The following PTCHD4 variants were observed in gnomAD, a reference collection of about 807,000 sequenced individuals.
The protein encoded by PTCHD4 is patched domain containing 4.
A neutral mutation model predicts 58.1 loss-of-function variants in PTCHD4; 33 were observed. The ratio of observed to expected loss-of-function variants is 0.57; its 90% CI spans 0.43 to 0.76. The LOEUF is 0.76. PTCHD4 is among the 30% of genes least tolerant of loss of function. The pLI is 0.00. For missense variants in PTCHD4, 1,058 were observed against 1,027.1 expected (o/e 1.03, Z -0.41); for synonymous variants, 478 against 409.6 (o/e 1.17, Z -2.02).
At chr6:48,109,907 A>T (rs1765828387) in intron 1 of PTCHD4, among the ~76,000 whole-genome samples, 2 of 152,134 alleles carry the variant, frequency 1.3e-5, no homozygotes, top group African/African-American at 4.8e-5. Flanking sequence ...TGGGATGGCT[A>T]TTATTTTAAA....
At chr6:48,032,570 T>C (rs1470675547) in intron 3 of PTCHD4, among the ~76,000 whole-genome samples, 1 of 152,144 alleles carries the variant, frequency 6.6e-6, no homozygotes, top group Non-Finnish European at 1.5e-5. Context: ...AAATGAGCTC[T>C]TATTTACAAA....
At chr6:47,956,426 T>G (rs994057954) in intron 4 of PTCHD4, among the ~76,000 whole-genome samples, 3 of 145,752 alleles carry the variant, frequency 2.1e-5, no homozygotes, top group African/African-American at 7.9e-5. Flanking sequence ...GAGAGTATGG[T>G]TTTTTTTTTA....
chr6:48,077,011 G>A (rs1381492584), intron 1 of PTCHD4, among the ~76,000 whole-genome samples: 1 of 152,154 alleles, frequency 6.6e-6, no homozygotes, highest in Non-Finnish European at 1.5e-5. Flanking sequence ...CATCCACAAG[G>A]ACTCAAATAT....
chr6:47,876,455 T>C lies in PTCHD4; in HGVS notation c.*1848A>G, dbSNP rs1415150902. Among the ~76,000 whole-genome samples the C allele has an allele frequency of 6.6e-6, 1 of 151,984 alleles. No individual in the cohort carries two copies. The highest frequency in any genetic ancestry group is 1.9e-4 in the East Asian group (1 of 5,164). On this transcript the variant is annotated 3_prime_UTR_variant, in exon 5 of 5. Coordinates refer to ENST00000339488, the MANE Select transcript of PTCHD4 (RefSeq NM_001384253.1). ...TTTTAGGGTCTGTTCCCTTTCCCCT[T>C]TATATTCTGGAAAGTTATATGTCTA... is the stretch of plus-strand genomic sequence containing the variant.
In PTCHD4 at chr6:48,092,643, C is replaced by G. The variant is rs557137571; in HGVS notation, c.-970+18406G>C. Among the ~76,000 whole-genome samples, 164 of 152,234 alleles carry G rather than the reference C, an allele frequency of 1.1e-3. 1 individual carries two copies. Among genetic ancestry groups the G allele is most frequent in the African/African-American group, 3.8e-3 (158 of 41,528 alleles). ...AATGATTGGATAATCACTTTAGTTACTTAGGTAGCCAAAATGGGGGTACCA... is the reference window on the plus strand; with the variant it reads ...AATGATTGGATAATCACTTTAGTTAGTTAGGTAGCCAAAATGGGGGTACCA... On this transcript the variant is annotated intron_variant, in intron 1 of 4. Coordinates refer to ENST00000339488, the MANE Select transcript of PTCHD4 (RefSeq NM_001384253.1).
chr6:47,921,173 A>G (rs1409395900), intron 4 of PTCHD4, among the ~76,000 whole-genome samples: 6 of 152,214 alleles, frequency 3.9e-5, no homozygotes, highest in Non-Finnish European at 8.8e-5. Context: ...GCTTCAAGAT[A>G]GTTATTATTA....
chr6:47,875,947 T>C lies in PTCHD4; in HGVS notation c.*2356A>G, dbSNP rs929285845. 6.6e-6 allele frequency among the ~76,000 whole-genome samples: 1 copy of C among 151,786 alleles called. No homozygotes were observed. The highest frequency in any genetic ancestry group is 1.5e-5 in the Non-Finnish European group (1 of 67,882). ...CACACAATGGGAAGAAAAGGAGTGATAGTTAATTAACTTTCTCAGTGATTA... is the reference window on the plus strand; with the variant it reads ...CACACAATGGGAAGAAAAGGAGTGACAGTTAATTAACTTTCTCAGTGATTA... On this transcript the variant is annotated 3_prime_UTR_variant, in exon 5 of 5. Transcript: ENST00000339488.
intron 4 of PTCHD4, among the ~76,000 whole-genome samples, chr6:47,955,183 A>G (rs1211157811): frequency 6.6e-6 from 1 of 152,234 alleles, no homozygotes; most frequent in Non-Finnish European, 1.5e-5. Context: ...CTTATCATGC[A>G]GCAATAGGTA....
In PTCHD4 at chr6:47,934,879, A is replaced by G. The variant is rs186022484; in HGVS notation, c.899-54943T>C. On this transcript the variant is annotated intron_variant, in intron 4 of 4. Transcript: ENST00000339488. ...AGAGAGATTTTAAATAAATGTTCAA[A>G]CTTCTGGGACTTTGTAAACCAACTT... Among the ~76,000 whole-genome samples the G allele has an allele frequency of 4.5e-3, 684 of 152,274 alleles. 22 individuals are homozygous for G. Among genetic ancestry groups the G allele is most frequent in the Admixed American group, 0.04 (617 of 15,298 alleles).
intron 3 of PTCHD4, among the ~76,000 whole-genome samples, chr6:48,023,964 A>G (rs1222662691): frequency 6.6e-6 from 1 of 152,170 alleles, no homozygotes; most frequent in Non-Finnish European, 1.5e-5. Context: ...GTTTGGCTTT[A>G]ACATTCAGAG....
At chr6:48,099,281 G>C (rs1765546053) in intron 1 of PTCHD4, among the ~76,000 whole-genome samples, 1 of 152,186 alleles carries the variant, frequency 6.6e-6, no homozygotes, top group Admixed American at 6.5e-5. Context: ...CTAGCGTGCT[G>C]GACAGGTGGT....
chr6:47,935,448 C>T (rs1453121785), intron 4 of PTCHD4, among the ~76,000 whole-genome samples: 1 of 152,156 alleles, frequency 6.6e-6, no homozygotes, highest in Non-Finnish European at 1.5e-5. Flanking sequence ...CCTGGCTCAT[C>T]TTGCGCTTTC....
At chr6:48,102,787 C>A (rs112360842) in intron 1 of PTCHD4, among the ~76,000 whole-genome samples, 1 of 152,222 alleles carries the variant, frequency 6.6e-6, no homozygotes, top group Non-Finnish European at 1.5e-5. Context: ...GCTTAACAAA[C>A]GACACACCAG....
chr6:48,032,000 T>C (rs574856763), intron 3 of PTCHD4, among the ~76,000 whole-genome samples: 2 of 152,228 alleles, frequency 1.3e-5, no homozygotes, highest in East Asian at 1.9e-4. Context: ...ATTTGCCTTT[T>C]AATGGTAAAT....
intron 4 of PTCHD4, among the ~76,000 whole-genome samples, chr6:47,981,510 A>G (rs1171742239): frequency 6.6e-6 from 1 of 152,090 alleles, no homozygotes; most frequent in East Asian, 1.9e-4. Flanking sequence ...TTTATGGAAC[A>G]TGCATTGAGA....
At chr6:47,971,294 C>T (rs1767497333) in intron 4 of PTCHD4, among the ~76,000 whole-genome samples, 1 of 151,748 alleles carries the variant, frequency 6.6e-6, no homozygotes, top group Non-Finnish European at 1.5e-5. Context: ...CAATAAGAAA[C>T]AAGAAAGAGC....
intron 3 of PTCHD4, among the ~76,000 whole-genome samples, chr6:48,017,893 G>A (rs1224455116): frequency 6.6e-6 from 1 of 152,134 alleles, no homozygotes; most frequent in Non-Finnish European, 1.5e-5. Context: ...CCACTGCCTT[G>A]CTTAGAGTCC....
chr6:48,091,069 C>A (rs1400853353), intron 1 of PTCHD4, among the ~76,000 whole-genome samples: 1 of 152,038 alleles, frequency 6.6e-6, no homozygotes, highest in East Asian at 1.9e-4. Flanking sequence ...TGATGGTCAC[C>A]AATAGCAAGG....
intron 3 of PTCHD4, among the ~76,000 whole-genome samples, chr6:48,053,868 G>A (rs922750812): frequency 8.5e-5 from 13 of 152,116 alleles, no homozygotes; most frequent in Admixed American, 6.6e-4. Flanking sequence ...TGGTACCGTG[G>A]TACCTGGTGT....
Sources: allele counts gnomAD v4.1 joint callset (sites outside exome capture counted in the v4.1 genomes callset), GRCh38; gene constraint gnomAD v4.1.1; transcripts MANE v1.5; gene names NCBI Gene and HGNC (gene_info 2026-07-23, HGNC 2026-07-21).